The following GLIS3 variants were observed in gnomAD, a reference collection of about 807,000 sequenced individuals.
GLIS3 encodes the protein GLIS family zinc finger 3.
GLIS3 carries 53 observed loss-of-function variants against 78.6 expected under a neutral mutation model. The ratio of observed to expected loss-of-function variants is 0.67; its 90% CI spans 0.54 to 0.85. The LOEUF (loss-of-function observed/expected upper bound fraction) is 0.85, where lower values mean the gene tolerates loss of function less well. Among genes scored for constraint, GLIS3 ranks in the 40% least tolerant of loss-of-function variants. GLIS3 has a pLI of 0.00. For missense variants in GLIS3, 1,703 were observed against 1,231.1 expected (o/e 1.38, Z -5.74); for synonymous variants, 684 against 509.9 (o/e 1.34, Z -4.60).
chr9:4,370,304 G>A, the GLIS3 span, among the ~76,000 whole-genome samples: 1 of 151,980 alleles, frequency 6.6e-6, no homozygotes, highest in Non-Finnish European at 1.5e-5. Flanking sequence ...TCAGATGAGT[G>A]AGCAGCATCA....
chr9:4,154,246 A>G (rs1293293207), intron 2 of GLIS3, among the ~76,000 whole-genome samples: 1 of 152,214 alleles, frequency 6.6e-6, no homozygotes, highest in Non-Finnish European at 1.5e-5. Flanking sequence ...GGGTAGAGAA[A>G]TAGACTCCAT....
chr9:4,379,148 C>G, the GLIS3 span, among the ~76,000 whole-genome samples: 2 of 152,162 alleles, frequency 1.3e-5, no homozygotes, highest in Non-Finnish European at 1.5e-5. Flanking sequence ...TTGTCCAGCG[C>G]CCCATCACTG....
At position 3,986,401 on chromosome 9, in the gene GLIS3, A is replaced by G. The variant is rs532274624; in HGVS notation, c.1711-49212T>C. ...GTGTCATAAAAATTCACAGAATTCC[A>G]CTCCCTTCTCACCACCCCCACTGTG... On this transcript the variant is annotated intron_variant, in intron 4 of 10. Transcript: ENST00000381971. 1.6e-4 allele frequency among the ~76,000 whole-genome samples: 25 copies of G among 152,138 alleles called. No homozygotes were observed. In the East Asian group the frequency reaches 3.1e-3, roughly 19 times the overall value.
In GLIS3 at chr9:3,827,847, T is replaced by G; in HGVS notation, c.*425A>C. 1 of 266,126 alleles carries G rather than the reference T, an allele frequency of 3.8e-6. No individual in the cohort carries two copies. Among genetic ancestry groups the G allele is most frequent in the Non-Finnish European group, 7.3e-6 (1 of 136,216 alleles). 16.5% of individuals were successfully genotyped at this position (266,126 alleles called of 1,614,324 possible). On this transcript the variant is annotated 3_prime_UTR_variant, in exon 11 of 11. Coordinates refer to ENST00000381971, the MANE Select transcript of GLIS3 (RefSeq NM_001042413.2). ...GGCTTTGCATCAGGAGCAGCAAGGG[T>G]GAGGATTAGGTGAGGCAGGTCACTA...
chr9:3,863,396 G>T lies in GLIS3; in HGVS notation c.2298-7212C>A, dbSNP rs527645910. On this transcript the variant is annotated intron_variant, in intron 8 of 10. Transcript: ENST00000381971. ...AGCTTTCAGTAAAGAAGAAACAGCCGCTGGGAAGTGTGGGTAATTGCAACA... is the reference window on the plus strand; with the variant it reads ...AGCTTTCAGTAAAGAAGAAACAGCCTCTGGGAAGTGTGGGTAATTGCAACA... Among the ~76,000 whole-genome samples the T allele has an allele frequency of 3.3e-5, 5 of 152,332 alleles. No individual in the cohort carries two copies. In the East Asian group the frequency reaches 5.8e-4, roughly 18 times the overall value.
chr9:3,899,195 G>A (rs1175925882), intron 6 of GLIS3, among the ~76,000 whole-genome samples: 1 of 152,144 alleles, frequency 6.6e-6, no homozygotes, highest in African/African-American at 2.4e-5. Flanking sequence ...ATCTTGGAAA[G>A]TGCTTTTAAA....
chr9:4,243,149 G>A (rs1253860421), intron 2 of GLIS3, among the ~76,000 whole-genome samples: 1 of 152,166 alleles, frequency 6.6e-6, no homozygotes, highest in Non-Finnish European at 1.5e-5. Flanking sequence ...TAGGGAGACT[G>A]ACACCTTAAT....
intron 4 of GLIS3, among the ~76,000 whole-genome samples, chr9:3,964,697 A>G (rs1303614042): frequency 6.6e-6 from 1 of 152,180 alleles, no homozygotes; most frequent in Non-Finnish European, 1.5e-5. Context: ...ACAGGGACAG[A>G]ATTTTTTCAT....
rs1358227759 is a variant in GLIS3, at chr9:4,286,291, G to A, written c.135C>T (p.Ser45=). 7.4e-6 allele frequency: 12 copies of A among 1,614,134 alleles called. No individual in the cohort carries two copies. The highest frequency in any genetic ancestry group is 1.3e-5 in the African/African-American group (1 of 74,946). The change falls in exon 2 of 11, where the codon AGC becomes AGT. Residue 45 remains serine, a synonymous_variant. Transcript: ENST00000381971. ...GGCTTGCCATAGTGGGACTCGATGT[G>A]CTGCCACAGGGCGAGGGGCCAGGAG... The part of the protein sequence containing the change: ...SGTPGPSPCG[S]TSSPTMASLA...
At chr9:3,828,715 G>T (rs1376678243) in intron 10 of GLIS3, among the ~76,000 whole-genome samples, 1 of 152,212 alleles carries the variant, frequency 6.6e-6, no homozygotes, top group Non-Finnish European at 1.5e-5. Context: ...TCATGAAAGA[G>T]AATGGAATTC....
chr9:4,445,395 G>C, the GLIS3 span, among the ~76,000 whole-genome samples: 2 of 152,244 alleles, frequency 1.3e-5, no homozygotes, highest in African/African-American at 2.4e-5. Flanking sequence ...GGGAGGCTGA[G>C]GCTGGCAGAT....
chr9:4,056,214 T>C (rs1826146918), intron 4 of GLIS3, among the ~76,000 whole-genome samples: 1 of 152,192 alleles, frequency 6.6e-6, no homozygotes, highest in Non-Finnish European at 1.5e-5. Flanking sequence ...CTAATTTATC[T>C]CTAAAAGCCC....
chr9:4,274,592 G>T (rs569075138), intron 2 of GLIS3, among the ~76,000 whole-genome samples: 6 of 152,218 alleles, frequency 3.9e-5, no homozygotes, highest in African/African-American at 1.4e-4. Context: ...GCAGGGGATG[G>T]GACCACACAT....
chr9:4,287,743 G>A (rs756364270), intron 1 of GLIS3, among the ~76,000 whole-genome samples: 6 of 152,084 alleles, frequency 3.9e-5, no homozygotes, highest in African/African-American at 7.2e-5. Flanking sequence ...ATAAATAATC[G>A]AGAAAAGGCT....
chr9:4,397,028 T>C, the GLIS3 span, among the ~76,000 whole-genome samples: 1,874 of 126,974 alleles, frequency 0.015, 43 homozygotes, highest in African/African-American at 0.063. Flanking sequence ...TTTTTTCTTT[T>C]TTTTTTTTTT....
chr9:4,077,919 T>G (rs1213326023), intron 4 of GLIS3, among the ~76,000 whole-genome samples: 1 of 152,212 alleles, frequency 6.6e-6, no homozygotes, highest in Non-Finnish European at 1.5e-5. Flanking sequence ...ATCTCTTTCC[T>G]TTGTTCCTAT....
At chr9:4,076,158 A>T (rs1828036466) in intron 4 of GLIS3, among the ~76,000 whole-genome samples, 1 of 152,216 alleles carries the variant, frequency 6.6e-6, no homozygotes, top group Non-Finnish European at 1.5e-5. Flanking sequence ...TTGATTAAAC[A>T]ATACATTTTA....
At chr9:4,160,905 T>C (rs1196477383) in intron 2 of GLIS3, among the ~76,000 whole-genome samples, 1 of 152,132 alleles carries the variant, frequency 6.6e-6, no homozygotes, top group Non-Finnish European at 1.5e-5. Context: ...GTATTGGTAA[T>C]CACTGCAGTC....
chr9:4,009,740 C>T (rs905992383), intron 4 of GLIS3, among the ~76,000 whole-genome samples: 1 of 152,190 alleles, frequency 6.6e-6, no homozygotes, highest in Non-Finnish European at 1.5e-5. Context: ...GCTGAACATT[C>T]AGGGATCTGA....
Sources: allele counts gnomAD v4.1 joint callset (sites outside exome capture counted in the v4.1 genomes callset), GRCh38; gene constraint gnomAD v4.1.1; transcripts MANE v1.5; gene names NCBI Gene and HGNC (gene_info 2026-07-23, HGNC 2026-07-21).